Variants in UGT2B15 observed in about 807,000 individuals in gnomAD.
UGT2B15 encodes UDP-glucuronosyltransferase 2B15.
UGT2B15 carries 36 observed loss-of-function variants against 45.9 expected under a neutral mutation model. The observed-to-expected ratio is 0.78, with a 90% CI of 0.60 to 1.04. The LOEUF (loss-of-function observed/expected upper bound fraction) is 1.04. Among genes scored for constraint, UGT2B15 ranks in the 50% least tolerant of loss-of-function variants. UGT2B15 has a pLI of 0.00. For missense variants in UGT2B15, 617 were observed against 622.4 expected, an observed-to-expected ratio of 0.99 and a Z score of 0.09; for synonymous variants, 219 against 216.4, an observed-to-expected ratio of 1.01 and a Z score of -0.11.
rs921029580 is a variant in UGT2B15, at chr4:68,651,355, C to T, written c.1313+2682G>A. 1.2e-4 allele frequency among the ~76,000 whole-genome samples: 19 copies of T among 152,074 alleles called. 1 individual carries two copies. Among genetic ancestry groups the T allele is most frequent in the Non-Finnish European group, 8.8e-5 (6 of 68,004 alleles). ...AAGGTGTAAGGCAGGGGACTAGTTT[C>T]CGTTTTCTGCGTATGGCTAGCCGGT... On this transcript the variant is annotated intron_variant, in intron 5 of 5. Coordinates refer to ENST00000338206, the MANE Select transcript of UGT2B15 (RefSeq NM_001076.4).
rs146711063 is a variant in UGT2B15 at position 68,647,117 on chromosome 4, T to C, written c.1580A>G (p.Lys527Arg). Residue 527 changes from lysine (K) to arginine (R), a missense_variant, in exon 6 of 6, where the codon AAG (lysine) becomes AGG (arginine). This residue lies in a region of UGT2B15 where 265 missense variants were observed against 245.1 expected (regional missense o/e 1.08). Coordinates refer to ENST00000338206, the MANE Select transcript of UGT2B15 (RefSeq NM_001076.4). The stretch of plus-strand genomic sequence containing the variant: ...CTTTTGATATAACTAATCTCTTTTC[T>C]TCTTCTTTCCTTTTTTGGCAAGCTT... ...FRKLAKKGKK[K>R]KRD 2.5e-3 allele frequency: 4,108 copies of C among 1,613,454 alleles called. 99 individuals are homozygous for C. In the African/African-American group the frequency reaches 0.042, roughly 16 times the overall value.
chr4:68,663,893 A>G (rs1733040421), intron 2 of UGT2B15, among the ~76,000 whole-genome samples: 1 of 152,088 alleles, frequency 6.6e-6, no homozygotes. Flanking sequence ...AGTATTATAT[A>G]CTATATAGTT....
chr4:68,663,005 A>G lies in UGT2B15; in HGVS notation c.1005+3T>C. 1 of 1,469,844 alleles carries G rather than the reference A, an allele frequency of 6.8e-7. No individual in the cohort carries two copies. Among genetic ancestry groups the G allele is most frequent in the Non-Finnish European group, 9.2e-7 (1 of 1,083,174 alleles). 91.1% of individuals were successfully genotyped at this position (1,469,844 alleles called of 1,614,324 possible). A position where few individuals can be genotyped will look rare whatever the true frequency, so the allele number is the denominator to read the frequency against. ...CATCCACAGTTAAGGCACTTTATCT[A>G]ACCTTTTGTGGGATCTGGGCAAGGG... On this transcript the variant is annotated splice_donor_region_variant and intron_variant, in intron 3 of 5. Coordinates refer to ENST00000338206, the MANE Select transcript of UGT2B15 (RefSeq NM_001076.4).
At position 68,647,910 on chromosome 4, in the gene UGT2B15, T is replaced by C. The variant is rs989706009; in HGVS notation, c.1314-527A>G. On this transcript the variant is annotated intron_variant, in intron 5 of 5. Coordinates refer to ENST00000338206, the MANE Select transcript of UGT2B15 (RefSeq NM_001076.4). ...TTTTTATTTTTTACACTTTTAGATA[T>C]GAGGTGTTGCTGTAGTGCCCATACT... 1.3e-5 allele frequency among the ~76,000 whole-genome samples: 2 copies of C among 151,930 alleles called. 1 individual carries two copies. The highest frequency in any genetic ancestry group is 2.9e-5 in the Non-Finnish European group (2 of 67,964).
At chr4:68,651,946 A>G (rs1732668225) in intron 5 of UGT2B15, among the ~76,000 whole-genome samples, 1 of 152,036 alleles carries the variant, frequency 6.6e-6, no homozygotes, top group Admixed American at 6.6e-5. Flanking sequence ...AGCTTTGAAT[A>G]TATAAAATAC....
chr4:68,670,333 T>C lies in UGT2B15; in HGVS notation c.286A>G (p.Arg96Gly). 4 of 1,613,652 alleles carry C rather than the reference T, an allele frequency of 2.5e-6. No homozygotes were observed. Among genetic ancestry groups the C allele is most frequent in the Admixed American group, 1.7e-5 (1 of 59,866 alleles). ...LEDSLLKILD[R>G]WIYGVSKNTF... ...TTTTTTGAAACACCATATATCCATCTATCGAGAATTTTCAGAAGAGAATCT... is the reference window on the plus strand; with the variant it reads ...TTTTTTGAAACACCATATATCCATCCATCGAGAATTTTCAGAAGAGAATCT... The change falls in exon 1 of 6, where the codon AGA (arginine) becomes GGA (glycine). Residue 96 changes from arginine to glycine, a missense_variant. Arg to Gly is a moderately radical substitution (Grantham distance 125). Coordinates refer to ENST00000338206, the MANE Select transcript of UGT2B15 (RefSeq NM_001076.4).
chr4:68,650,652 G>C (rs1732626759), intron 5 of UGT2B15, among the ~76,000 whole-genome samples: 2 of 151,932 alleles, frequency 1.3e-5, no homozygotes, highest in Non-Finnish European at 2.9e-5. Flanking sequence ...TATGCCTTTG[G>C]GTATATACGA....
chr4:68,663,157 G>C lies in UGT2B15; in HGVS notation c.874-18C>G. ...TCCATTTCCTGTGAAGAAAGAATTT[G>C]TTCTATCAGAAAAGAGCAACAGCAC... On this transcript the variant is annotated intron_variant, in intron 2 of 5. Coordinates refer to ENST00000338206, the MANE Select transcript of UGT2B15 (RefSeq NM_001076.4). 1 of 1,582,240 alleles carries C rather than the reference G, an allele frequency of 6.3e-7. No homozygotes were observed. The highest frequency in any genetic ancestry group is 8.6e-7 in the Non-Finnish European group (1 of 1,165,196).
In UGT2B15 at chr4:68,655,120, C is replaced by T. The variant is rs1732766178; in HGVS notation, c.1068G>A (p.Lys356=). ...NTLGSNTRLY[K]WLPQNDLLGH... ...CAAGAAGGTCATTCTGGGGTAACCA[C>T]TTGTACAGTCGAGTATTGGAACCTA... The change falls in exon 4 of 6, where the codon AAG becomes AAA. Residue 356 remains lysine (K), a synonymous_variant. Transcript: ENST00000338206. The T allele has an allele frequency of 6.2e-7, 1 of 1,613,232 alleles. No homozygotes were observed. The highest frequency in any genetic ancestry group is 8.5e-7 in the Non-Finnish European group (1 of 1,179,600).
At position 68,647,001 on chromosome 4, in the gene UGT2B15, GT is replaced by G; in HGVS notation, c.*102del. 2 of 1,494,448 alleles carry G rather than the reference GT, an allele frequency of 1.3e-6. No individual in the cohort carries two copies. The highest frequency in any genetic ancestry group is 1.8e-6 in the Non-Finnish European group (2 of 1,115,264). 92.6% of individuals were successfully genotyped at this position (1,494,448 alleles called of 1,614,324 possible). A position where few individuals can be genotyped will look rare whatever the true frequency, so the allele number is the denominator to read the frequency against. ...TTAACAAGGTAAGTTGTGAAAAGATGTTTTGTCACAGGAAAAAGGAAATCCT... is the reference window on the plus strand; with the variant it reads ...TTAACAAGGTAAGTTGTGAAAAGATGTTTGTCACAGGAAAAAGGAAATCCT... On this transcript the variant is annotated 3_prime_UTR_variant, in exon 6 of 6. Transcript: ENST00000338206.
intron 1 of UGT2B15, among the ~76,000 whole-genome samples, chr4:68,669,141 A>G (rs1273736530): frequency 2.6e-5 from 4 of 151,980 alleles, no homozygotes; most frequent in African/African-American, 9.7e-5. Flanking sequence ...ATATAATTAG[A>G]TTTTTAAAAT....
intron 5 of UGT2B15, 41 bp from the exon 6 acceptor site, chr4:68,647,424 T>G (rs1444967406): frequency 6.3e-7 from 1 of 1,575,970 alleles, no homozygotes; most frequent in African/African-American, 1.4e-5. Flanking sequence ...AAAAGTAAAT[T>G]TATTGCTTAA....
chr4:68,648,722 T>C (rs1272604843), intron 5 of UGT2B15, among the ~76,000 whole-genome samples: 3 of 152,092 alleles, frequency 2.0e-5, no homozygotes, highest in Non-Finnish European at 4.4e-5. Flanking sequence ...TCCTGGGCCA[T>C]TTTAGTCACT....
At chr4:68,666,752 A>ATATTTTT (rs1553925091) in intron 2 of UGT2B15, among the ~76,000 whole-genome samples, 25 of 127,890 alleles carry the variant, frequency 2.0e-4, no homozygotes, top group Non-Finnish European at 3.3e-4. Context: ...ATATATATAT[A>ATATTTTT]TTTTTTTTTT....
intron 5 of UGT2B15, among the ~76,000 whole-genome samples, chr4:68,647,959 T>C (rs1201245581): frequency 6.6e-6 from 1 of 151,992 alleles, no homozygotes; most frequent in African/African-American, 2.4e-5. Flanking sequence ...TGTAGTCAAG[T>C]CATTCTCCTG....
In UGT2B15 at chr4:68,647,025, C is replaced by A. The variant is rs572290060; in HGVS notation, c.*79G>T. On this transcript the variant is annotated 3_prime_UTR_variant, in exon 6 of 6. Transcript: ENST00000338206. The stretch of plus-strand genomic sequence containing the variant: ...TGTTTTGTCACAGGAAAAAGGAAAT[C>A]CTCCATTTAAAACCCTCCATGCTGA... 9.9e-6 allele frequency: 15 copies of A among 1,511,074 alleles called. No homozygotes were observed. In the East Asian group the frequency reaches 3.2e-4, roughly 32 times the overall value. The allele number at this position is 1,511,074 out of a possible 1,614,324, so 93.6% of individuals were successfully genotyped here.
rs1429973033 is a variant in UGT2B15, at chr4:68,653,726, CAT to C, written c.1313+309_1313+310del. Among the ~76,000 whole-genome samples, 12 of 151,868 alleles carry C rather than the reference CAT, an allele frequency of 7.9e-5. No homozygotes were observed. In the South Asian group the frequency reaches 2.1e-3, roughly 26 times the overall value. ...AATTTTAGGTATTGAATTGAAATAT[CAT>C]ATTTCTCTAGTTATGTTCTTTCTTT... On this transcript the variant is annotated intron_variant, in intron 5 of 5. Transcript: ENST00000338206.
chr4:68,659,639 T>G (rs534890870), intron 3 of UGT2B15, among the ~76,000 whole-genome samples: 191 of 151,984 alleles, frequency 1.3e-3, no homozygotes, highest in Non-Finnish European at 8.4e-4. Flanking sequence ...TTTGACTGAG[T>G]CTGCCCTAAA....
Position 68,647,079 on chromosome 4 carries a change from A to G in UGT2B15, c.*25T>C, listed in dbSNP as rs748567284. On this transcript the variant is annotated 3_prime_UTR_variant, in exon 6 of 6. Transcript: ENST00000338206. ...AAAGGAGGAGTCCCATCTTTCAGTC[A>G]TTCCACTTCAGGCTTTTGATATAAC... The G allele has an allele frequency of 3.1e-6, 5 of 1,594,230 alleles. No individual in the cohort carries two copies. Among genetic ancestry groups the G allele is most frequent in the African/African-American group, 2.7e-5 (2 of 74,354 alleles).
Sources: allele counts gnomAD v4.1 joint callset (sites outside exome capture counted in the v4.1 genomes callset), GRCh38; gene constraint gnomAD v4.1.1; regional missense constraint gnomAD v4.1.1; transcripts MANE v1.5; gene names NCBI Gene and HGNC (gene_info 2026-07-23, HGNC 2026-07-21).